Variants in CDHR2 observed in about 807,000 individuals in gnomAD.
The protein encoded by CDHR2 is cadherin-related family member 2.
In CDHR2, 104 loss-of-function variants were observed where a neutral mutation model predicts 138.6. The ratio of observed to expected loss-of-function variants is 0.75; its 90% confidence interval spans 0.64 to 0.88. The LOEUF is 0.88. Among genes scored for constraint, CDHR2 ranks in the 40% least tolerant of loss-of-function variants. The pLI is 0.00. For missense variants in CDHR2, 1,624 were observed against 1,727.6 expected, an observed-to-expected ratio of 0.94 and a Z score of 1.06; for synonymous variants, 755 against 742.8, an observed-to-expected ratio of 1.02 and a Z score of -0.27.
chr5:176,588,326 CTG>C (rs757045430), intron 21 of CDHR2, among the ~76,000 whole-genome samples: 29 of 150,000 alleles, frequency 1.9e-4, no homozygotes, highest in Non-Finnish European at 3.3e-4. Flanking sequence ...ATGTGTGTGA[CTG>C]TGCAAGTGTG....
At chr5:176,548,423 C>A (rs1561863141), upstream of CDHR2, among the ~76,000 whole-genome samples, 1 of 152,218 alleles carries the variant, frequency 6.6e-6, no homozygotes, top group Non-Finnish European at 1.5e-5. Flanking sequence ...CTTCGGGAGG[C>A]CACCACATCG....
In CDHR2 at chr5:176,584,576, C is replaced by G. The variant is rs1312795160; in HGVS notation, c.2295C>G (p.Ser765Arg). ...EGYLRLPPDV[S>R]LDYETQPVFN... is the part of the protein sequence containing the mutation. ...ACCTCCGGCTGCCCCCGGACGTGAG[C>G]CTGGATTACGAGACACAGCCCGTCT... Residue 765 changes from serine (S) to arginine (R), a missense_variant, in exon 19 of 32, where the codon AGC (serine) becomes AGG (arginine). Around this residue, in one of 3 missense-constraint regions of CDHR2, gnomAD observed 1,061 missense variants for 1,136.6 expected, o/e 0.93. Coordinates refer to ENST00000261944, the MANE Select transcript of CDHR2 (RefSeq NM_017675.6). 1 of 1,609,352 alleles carries G rather than the reference C, an allele frequency of 6.2e-7. No individual in the cohort carries two copies. The highest frequency in any genetic ancestry group is 1.3e-5 in the African/African-American group (1 of 74,866).
rs1309287592 is a variant in CDHR2, at chr5:176,576,703, A to C, written c.1194+518A>C. On this transcript the variant is annotated intron_variant, in intron 12 of 31. Transcript: ENST00000261944. This position sits in a 1 kb window ranked among gnomAD's most constrained non-coding sequence, Gnocchi z 4.5. ...GGGATTCTCCTGCCTCAGCCTCCCA[A>C]GTAGCTGTGATTACAGGTGTGCACC... is the stretch of plus-strand genomic sequence containing the variant. Among the ~76,000 whole-genome samples, 2 of 151,878 alleles carry C rather than the reference A, an allele frequency of 1.3e-5. No individual in the cohort carries two copies. Among genetic ancestry groups the C allele is most frequent in the Non-Finnish European group, 2.9e-5 (2 of 67,982 alleles).
chr5:176,576,906 G>A lies in CDHR2; in HGVS notation c.1195-493G>A, dbSNP rs911421147. ...GAGGCACTCTTAAGTGGAGGCTGCAGTGAGAGGTGGGTAACACGGTGGCGC... is the reference window on the plus strand; with the variant it reads ...GAGGCACTCTTAAGTGGAGGCTGCAATGAGAGGTGGGTAACACGGTGGCGC... On this transcript the variant is annotated intron_variant, in intron 12 of 31. Transcript: ENST00000261944. The surrounding 1 kb of genome is among the most constrained non-coding windows in gnomAD (Gnocchi z 4.5). Among the ~76,000 whole-genome samples, 99 of 152,170 alleles carry A rather than the reference G, an allele frequency of 6.5e-4. 1 individual carries two copies. Among genetic ancestry groups the A allele is most frequent in the African/African-American group, 2.1e-3 (89 of 41,430 alleles).
chr5:176,558,052 C>T (rs1317613800), intron 1 of CDHR2, among the ~76,000 whole-genome samples: 2 of 152,026 alleles, frequency 1.3e-5, no homozygotes, highest in Non-Finnish European at 2.9e-5. Flanking sequence ...TATTATCTTA[C>T]AGCCCATCAC....
In CDHR2 at chr5:176,553,929, T is replaced by G. The variant is rs939947246; in HGVS notation, c.-16+4515T>G. ...ACTGCCCTTGACTCCAGCGCTATGA[T>G]GTCACTCTCCAGGGTGTAGCTGTAC... On this transcript the variant is annotated intron_variant, in intron 1 of 31. Coordinates refer to ENST00000261944, the MANE Select transcript of CDHR2 (RefSeq NM_017675.6). The surrounding 1 kb of genome is among the most constrained non-coding windows in gnomAD (Gnocchi z 4.3). Among the ~76,000 whole-genome samples, 1 of 152,196 alleles carries G rather than the reference T, an allele frequency of 6.6e-6. No individual in the cohort carries two copies. Among genetic ancestry groups the G allele is most frequent in the African/African-American group, 2.4e-5 (1 of 41,456 alleles).
chr5:176,559,036 G>T (rs189903641), intron 1 of CDHR2, among the ~76,000 whole-genome samples: 2 of 152,300 alleles, frequency 1.3e-5, no homozygotes, highest in African/African-American at 4.8e-5. Context: ...CTCCCTCAAC[G>T]CACAGGCCTC....
rs746522469 is a variant in CDHR2, at chr5:176,575,286, G to T, written c.628G>T (p.Gly210Cys). The change falls in exon 9 of 32, where the codon GGC becomes TGC. Residue 210 changes from glycine (G) to cysteine (C), a missense_variant. Around this residue, in one of 3 missense-constraint regions of CDHR2, gnomAD observed 1,061 missense variants for 1,136.6 expected, o/e 0.93. Transcript: ENST00000261944. ...YQLELKACDL[G>C]GMYHNTFTIQ... ...GGTGGCCATCTCCCCGCAGGACTTG[G>T]GCGGCATGTACCACAACACCTTCAC... The T allele has an allele frequency of 1.4e-5, 23 of 1,614,210 alleles. No individual in the cohort carries two copies. In the South Asian group the frequency reaches 1.8e-4, roughly 12 times the overall value.
Position 176,586,846 on chromosome 5 carries a change from A to C in CDHR2, c.2856+4A>C, listed in dbSNP as rs1467542610. On this transcript the variant is annotated splice_donor_region_variant and intron_variant, in intron 21 of 31. Coordinates refer to ENST00000261944, the MANE Select transcript of CDHR2 (RefSeq NM_017675.6). ...CCGGGAGGTGGCTTCTGTCCGGGTAAGTTCTTGGCTCCAGCCTTTGTTGGT... is the reference window on the plus strand; with the variant it reads ...CCGGGAGGTGGCTTCTGTCCGGGTACGTTCTTGGCTCCAGCCTTTGTTGGT... The C allele has an allele frequency of 1.2e-6, 2 of 1,608,128 alleles. No homozygotes were observed. The highest frequency in any genetic ancestry group is 8.5e-7 in the Non-Finnish European group (1 of 1,177,284).
In CDHR2 at chr5:176,568,678, G is replaced by A. The variant is rs1353541727; in HGVS notation, c.125G>A (p.Gly42Asp). 11 of 1,614,022 alleles carry A rather than the reference G, an allele frequency of 6.8e-6. No individual in the cohort carries two copies. Among genetic ancestry groups the A allele is most frequent in the Non-Finnish European group, 9.3e-6 (11 of 1,179,928 alleles). Residue 42 changes from glycine to aspartate, a missense_variant and splice_region_variant, in exon 4 of 32, where the codon GGT becomes GAT. Gly to Asp is a moderately conservative substitution (Grantham distance 94). Coordinates refer to ENST00000261944, the MANE Select transcript of CDHR2 (RefSeq NM_017675.6). Reference protein sequence around the residue: ...SVILPEDLPVGAQAFWLVAED... With the variant: ...SVILPEDLPVDAQAFWLVAED... ...TGGGTGGCCCCTGTCCCATCCCCAG[G>A]TGCCCAGGCCTTCTGGTTGGTAGCG...
At position 176,575,366 on chromosome 5, in the gene CDHR2, C is replaced by A. The variant is rs769555114; in HGVS notation, c.708C>A (p.Asp236Glu). 9 of 1,614,230 alleles carry A rather than the reference C, an allele frequency of 5.6e-6. No individual in the cohort carries two copies. Among genetic ancestry groups the A allele is most frequent in the Non-Finnish European group, 7.6e-6 (9 of 1,180,036 alleles). The change falls in exon 9 of 32, where the codon GAC becomes GAA. Residue 236 changes from aspartate (D) to glutamate (E), a missense_variant. Asp to Glu is a conservative substitution (Grantham distance 45). This residue lies in a region of CDHR2 where 1,061 missense variants were observed against 1,136.6 expected (regional missense o/e 0.93). Coordinates refer to ENST00000261944, the MANE Select transcript of CDHR2 (RefSeq NM_017675.6). ...CCATCTCCGTGGTGGACCAGCCTGA[C>A]CTTGACCCCCAGTTTGTCAGGGAGT... ...FLSISVVDQP[D>E]LDPQFVREFY...
intron 30 of CDHR2, 51 bp downstream of exon 30, chr5:176,591,535 G>A: frequency 7.6e-7 from 1 of 1,309,664 alleles, no homozygotes; most frequent in Non-Finnish European, 1.1e-6. Flanking sequence ...GGTACAGGTA[G>A]TGACGGTGGT....
rs1231461027 is a variant in CDHR2 at position 176,553,554 on chromosome 5, G to A, written c.-16+4140G>A. Among the ~76,000 whole-genome samples the A allele has an allele frequency of 6.6e-6, 1 of 152,160 alleles. No homozygotes were observed. The highest frequency in any genetic ancestry group is 1.5e-5 in the Non-Finnish European group (1 of 68,000). On this transcript the variant is annotated intron_variant, in intron 1 of 31. Transcript: ENST00000261944. The surrounding 1 kb of genome is among the most constrained non-coding windows in gnomAD (Gnocchi z 4.3). ...CCGTGGCAGTTGACTCATTTCTGAA[G>A]GACAGAACATGAGAGAAAAAAGTGA...
chr5:176,551,579 C>T (rs577505945), intron 1 of CDHR2, among the ~76,000 whole-genome samples: 3 of 152,236 alleles, frequency 2.0e-5, no homozygotes, highest in East Asian at 3.9e-4. Context: ...CAGCCTCAAC[C>T]TTCTGGGCTC....
intron 12 of CDHR2, among the ~76,000 whole-genome samples, chr5:176,577,102 T>TTGGGGGG (rs1758401083): frequency 2.8e-5 from 1 of 35,756 alleles, no homozygotes; most frequent in Non-Finnish European, 5.3e-5. Context: ...GGGCTGGGGG[T>TTGGGGGG]GGGGGATGTG....
chr5:176,594,444 G>A (rs968693243), intron 31 of CDHR2, among the ~76,000 whole-genome samples: 1 of 152,186 alleles, frequency 6.6e-6, no homozygotes, highest in African/African-American at 2.4e-5. Context: ...TGAGTGGCTG[G>A]AGAGATTATC....
intron 24 of CDHR2, 105 bp from the exon 25 acceptor site, chr5:176,589,973 G>A (rs1758802439): frequency 2.2e-6 from 2 of 889,202 alleles, no homozygotes; most frequent in South Asian, 1.3e-5. Flanking sequence ...CTGTCCAGAG[G>A]AGGTGCCCTT....
Position 176,584,640 on chromosome 5 carries a change from G to A in CDHR2, c.2359G>A (p.Gly787Arg), listed in dbSNP as rs148792429. The A allele has an allele frequency of 6.2e-7, 1 of 1,611,846 alleles. No homozygotes were observed. The highest frequency in any genetic ancestry group is 1.7e-4 in the Middle Eastern group (1 of 6,050). Residue 787 changes from glycine (G) to arginine (R), a missense_variant, in exon 19 of 32, where the codon GGG becomes AGG. This residue lies in a region of CDHR2 where 1,061 missense variants were observed against 1,136.6 expected (regional missense o/e 0.93). Transcript: ENST00000261944. ...TVSAENPDPQ[G>R]GETIVDVCVN... The stretch of plus-strand genomic sequence containing the variant: ...GAGTGCTGAGAACCCAGACCCCCAG[G>A]GGGGTGAGACCATAGTAGACGTCTG...
At chr5:176,554,946 A>G (rs1174547615) in intron 1 of CDHR2, among the ~76,000 whole-genome samples, 1 of 152,034 alleles carries the variant, frequency 6.6e-6, no homozygotes, top group Admixed American at 6.6e-5. Context: ...GAGCCACCAC[A>G]CCCAGCCTCG....
Sources: gnomAD v4.1 joint callset for allele counts (sites outside exome capture counted in the v4.1 genomes callset) on GRCh38, gnomAD v4.1.1 for gene constraint, gnomAD v4.1.1 regional missense constraint, Gnocchi (gnomAD v3.1) non-coding constraint, MANE v1.5 for transcripts, NCBI Gene and HGNC (gene_info 2026-07-23, HGNC 2026-07-21) for gene names.